The following CACNA1S variants were observed in gnomAD, a reference collection of about 807,000 sequenced individuals.
CACNA1S encodes the protein voltage-dependent L-type calcium channel subunit alpha-1S.
CACNA1S carries 126 observed loss-of-function variants against 207.4 expected under a neutral mutation model. That is an observed-to-expected ratio of 0.61 (90% CI 0.53 to 0.70). The LOEUF (loss-of-function observed/expected upper bound fraction) is 0.70, where lower values mean the gene tolerates loss of function less well. Ranked by LOEUF, CACNA1S falls within the 30% of genes least tolerant of loss-of-function variation. CACNA1S has a pLI of 0.00. For missense variants in CACNA1S, 2,349 were observed against 2,422.8 expected (o/e 0.97, Z 0.64); for synonymous variants, 960 against 932.7 (o/e 1.03, Z -0.53).
chr1:201,070,201 GGT>G (rs1661399154), intron 17 of CACNA1S, 69 bp downstream of exon 17: 1 of 1,550,274 alleles, frequency 6.5e-7, no homozygotes. Flanking sequence ...AGTCAGACAG[GGT>G]TTTTTCTAGG....
intron 13 of CACNA1S, 37 bp downstream of exon 13, chr1:201,075,458 C>CCAAACCCTTT: frequency 1.2e-6 from 2 of 1,607,726 alleles, no homozygotes; most frequent in Admixed American, 1.7e-5. Flanking sequence ...CACCCCCTCC[C>CCAAACCCTTT]TAAGCTCTTT....
In CACNA1S at chr1:201,060,971, C is replaced by T. The variant is rs543143343; in HGVS notation, c.3256-155G>A. Among the ~76,000 whole-genome samples, 3 of 152,298 alleles carry T rather than the reference C, an allele frequency of 2.0e-5. No individual in the cohort carries two copies. The South Asian group carries it at 6.2e-4, about 32-fold the overall frequency. On this transcript the variant is annotated intron_variant, in intron 25 of 43. Transcript: ENST00000362061. ...TGTTTAGGGGAATAATCCTGTTGGG[C>T]TTTGGGTTCCCCTTGAGTTATCACA...
Position 201,050,379 on chromosome 1 carries a change from T to C in CACNA1S, c.4241+10A>G. On this transcript the variant is annotated intron_variant, in intron 34 of 43. Transcript: ENST00000362061. ...GAGGGCCCAGCACAGAGCCTACAGA[T>C]TGGACTCACTTAGCCTCTGGGTCAT... 1 of 1,613,922 alleles carries C rather than the reference T, an allele frequency of 6.2e-7. No homozygotes were observed. The highest frequency in any genetic ancestry group is 8.5e-7 in the Non-Finnish European group (1 of 1,179,872).
chr1:201,112,096 G>T (rs1663136180), intron 1 of CACNA1S, 92 bp downstream of exon 1: 1 of 1,322,516 alleles, frequency 7.6e-7, no homozygotes, highest in Non-Finnish European at 1.1e-6. Flanking sequence ...GGCCTCCCTG[G>T]CCCTCCTGTA....
chr1:201,078,061 C>A lies in CACNA1S; in HGVS notation c.1437G>T (p.Met479Ile), dbSNP rs760925801. 6.2e-7 allele frequency: 1 copy of A among 1,614,230 alleles called. No individual in the cohort carries two copies. Among genetic ancestry groups the A allele is most frequent in the Non-Finnish European group, 8.5e-7 (1 of 1,180,026 alleles). ...GGCCCAGCCCGTACATCTTCATCAGCATCTCAGTGGTGAAGAGGGACAGCA... is the reference window on the plus strand; with the variant it reads ...GGCCCAGCCCGTACATCTTCATCAGAATCTCAGTGGTGAAGAGGGACAGCA... ...RVLLSLFTTE[M>I]LMKMYGLGLR... is the part of the protein sequence containing the mutation. The change falls in exon 11 of 44, where the codon ATG (methionine) becomes ATT (isoleucine). Residue 479 changes from methionine to isoleucine, a missense_variant. Transcript: ENST00000362061.
intron 7 of CACNA1S, 133 bp from the exon 8 acceptor site, chr1:201,085,714 G>A: frequency 1.0e-6 from 1 of 1,000,568 alleles, no homozygotes; most frequent in Non-Finnish European, 1.5e-6. Context: ...GGTGTTGCCT[G>A]GGGTCCAGGT....
chr1:201,064,889 G>A (rs1209980959), intron 22 of CACNA1S, among the ~76,000 whole-genome samples: 1 of 152,256 alleles, frequency 6.6e-6, no homozygotes, highest in Non-Finnish European at 1.5e-5. Flanking sequence ...GGTAGATGTG[G>A]ATGATGCCAG....
Position 201,057,673 on chromosome 1 carries a change from C to T in CACNA1S, c.3609+735G>A, listed in dbSNP as rs999237878. On this transcript the variant is annotated intron_variant, in intron 28 of 43. Transcript: ENST00000362061. ...CCAGGTTAGCTTTTTAGAAGCAGGG[C>T]TCTAAGGGCTCAGCGCGGTGGCTCA... 5.3e-5 allele frequency among the ~76,000 whole-genome samples: 8 copies of T among 152,132 alleles called. 1 individual carries two copies. The highest frequency in any genetic ancestry group is 2.1e-4 in the South Asian group (1 of 4,826).
chr1:201,069,071 T>G (rs1018698119), intron 19 of CACNA1S, 66 bp downstream of exon 19: 14 of 1,366,958 alleles, frequency 1.0e-5, no homozygotes, highest in Admixed American at 1.7e-5. Context: ...CTGAGTTCAG[T>G]GTGTGTAAAC....
chr1:201,062,570 A>T, intron 22 of CACNA1S, 56 bp from the exon 23 acceptor site: 1 of 1,548,452 alleles, frequency 6.5e-7, no homozygotes, highest in Non-Finnish European at 8.9e-7. Flanking sequence ...GAAACAGGAT[A>T]GAAAAGTGGG....
intron 15 of CACNA1S, 75 bp downstream of exon 15, chr1:201,073,474 C>T: frequency 8.2e-7 from 1 of 1,213,340 alleles, no homozygotes; most frequent in Non-Finnish European, 1.2e-6. Context: ...CCCACCTGTA[C>T]CCTGTGGTAT....
At chr1:201,085,139 C>A in intron 8 of CACNA1S, 108 bp from the exon 9 acceptor site, 1 of 832,858 alleles carries the variant, frequency 1.2e-6, no homozygotes, top group Non-Finnish European at 2.0e-6. Flanking sequence ...ACATCTGCAA[C>A]AATGGGTCCT....
intron 26 of CACNA1S, among the ~76,000 whole-genome samples, chr1:201,059,995 C>T (rs758708332): frequency 6.6e-6 from 1 of 152,208 alleles, no homozygotes; most frequent in Non-Finnish European, 1.5e-5. Flanking sequence ...CAGGACTGCC[C>T]AATTCTGCTG....
Position 201,089,246 on chromosome 1 carries a change from G to A in CACNA1S, c.900+12C>T, listed in dbSNP as rs764766042. 5 of 1,613,042 alleles carry A rather than the reference G, an allele frequency of 3.1e-6. No individual in the cohort carries two copies. In the South Asian group the frequency reaches 3.3e-5, roughly 11 times the overall value. Reference sequence around the variant, plus strand: ...AAGGGAGATGGTTCTGCAGGCGCGGGCCCAGACCCACCCAGTAAAGGACGT... The same window carrying A: ...AAGGGAGATGGTTCTGCAGGCGCGGACCCAGACCCACCCAGTAAAGGACGT... On this transcript the variant is annotated intron_variant, in intron 6 of 43. Coordinates refer to ENST00000362061, the MANE Select transcript of CACNA1S (RefSeq NM_000069.3).
At chr1:201,104,604 T>G (rs570109272) in intron 2 of CACNA1S, among the ~76,000 whole-genome samples, 21 of 152,382 alleles carry the variant, frequency 1.4e-4, no homozygotes, top group Non-Finnish European at 1.9e-4. Context: ...ACACGCCTGC[T>G]TGTTCTCTTT....
At chr1:201,082,656 C>T (rs1661877747) in intron 10 of CACNA1S, among the ~76,000 whole-genome samples, 1 of 152,176 alleles carries the variant, frequency 6.6e-6, no homozygotes, top group African/African-American at 2.4e-5. Flanking sequence ...GATCAGTCTT[C>T]CCCTCTGGCT....
At chr1:201,075,797 A>G (rs1661591313) in intron 12 of CACNA1S, among the ~76,000 whole-genome samples, 182 bp from the exon 13 acceptor site, 1 of 152,170 alleles carries the variant, frequency 6.6e-6, no homozygotes, top group African/African-American at 2.4e-5. Context: ...GCTGGGGAAT[A>G]GTGGCTCACG....
chr1:201,081,994 C>T (rs1188283525), intron 10 of CACNA1S, among the ~76,000 whole-genome samples: 1 of 151,206 alleles, frequency 6.6e-6, no homozygotes, highest in East Asian at 1.9e-4. Context: ...GCCAACCAAA[C>T]CTCTTTTCTT....
rs757788424 is a variant in CACNA1S at position 201,083,261 on chromosome 1, T to C, written c.1294A>G (p.Lys432Glu). ...AGAATCACCAGCCAATAGAAGACCT[T>C]GGACTTCACGATGTCATGGCACTTC... The part of the protein sequence containing the change: ...RWKCHDIVKS[K>E]VFYWLVILIV... Residue 432 changes from lysine to glutamate, a missense_variant, in exon 10 of 44, where the codon AAG (lysine) becomes GAG (glutamate). By Grantham distance (56) the Lys-to-Glu change is moderately conservative (BLOSUM62 1). Coordinates refer to ENST00000362061, the MANE Select transcript of CACNA1S (RefSeq NM_000069.3). The C allele has an allele frequency of 6.8e-6, 11 of 1,614,208 alleles. No individual in the cohort carries two copies. Among genetic ancestry groups the C allele is most frequent in the South Asian group, 4.4e-5 (4 of 91,090 alleles).
Sources: gnomAD v4.1 joint callset for allele counts (sites outside exome capture counted in the v4.1 genomes callset) on GRCh38, gnomAD v4.1.1 for gene constraint, MANE v1.5 for transcripts, NCBI Gene and HGNC (gene_info 2026-07-23, HGNC 2026-07-21) for gene names.